Variants in NDFIP1 observed in about 807,000 individuals in gnomAD.
NDFIP1 encodes the protein Nedd4 family interacting protein 1.
A neutral mutation model predicts 28.8 loss-of-function variants in NDFIP1; 7 were observed. That is an observed-to-expected ratio of 0.24 (90% CI 0.14 to 0.46). The LOEUF is 0.46. Among genes scored for constraint, NDFIP1 ranks in the 20% least tolerant of loss-of-function variants. The pLI, the probability that NDFIP1 is intolerant of heterozygous loss-of-function variation, is 0.99. For missense variants in NDFIP1, 194 were observed against 269.1 expected (o/e 0.72, Z 1.95); for synonymous variants, 92 against 101.0 (o/e 0.91, Z 0.53).
At chr5:142,113,221 A>G (rs1757033787) in intron 1 of NDFIP1, among the ~76,000 whole-genome samples, 3 of 152,228 alleles carry the variant, frequency 2.0e-5, no homozygotes, top group Admixed American at 2.0e-4. Context: ...ATTATAGTGC[A>G]GATTTTGGAA....
chr5:142,139,769 T>C (rs1234608024), intron 5 of NDFIP1, among the ~76,000 whole-genome samples: 1 of 152,052 alleles, frequency 6.6e-6, no homozygotes, highest in Non-Finnish European at 1.5e-5. Flanking sequence ...AATGGTATCA[T>C]CTACTCAGGA....
intron 1 of NDFIP1, among the ~76,000 whole-genome samples, chr5:142,112,808 C>T (rs2126909103): frequency 6.7e-6 from 1 of 149,772 alleles, no homozygotes; most frequent in Non-Finnish European, 1.5e-5. Context: ...AGAGGCTAGG[C>T]TTATAGGTTC....
intron 7 of NDFIP1, among the ~76,000 whole-genome samples, chr5:142,145,801 C>A (rs558161837): frequency 6.6e-6 from 1 of 152,212 alleles, no homozygotes; most frequent in South Asian, 2.1e-4. Flanking sequence ...TTGATAGAGC[C>A]AGCGACATGT....
At position 142,152,652 on chromosome 5, in the gene NDFIP1, T is replaced by C. The variant is rs370224887; in HGVS notation, c.*924T>C. ...TGTACTACTTGCTTTTACAATGTGT[T>C]AGCAGAAACCAGTGGGTTATAATGT... On this transcript the variant is annotated 3_prime_UTR_variant, in exon 8 of 8. Coordinates refer to ENST00000253814, the MANE Select transcript of NDFIP1 (RefSeq NM_030571.4). The C allele has an allele frequency of 1.3e-5, 2 of 154,824 alleles. No homozygotes were observed. Among genetic ancestry groups the C allele is most frequent in the South Asian group, 2.0e-4 (1 of 4,932 alleles). The allele number at this position is 154,824 out of a possible 1,614,324, so 9.6% of individuals were successfully genotyped here. A position where few individuals can be genotyped will look rare whatever the true frequency, so the allele number is the denominator to read the frequency against.
intron 1 of NDFIP1, among the ~76,000 whole-genome samples, chr5:142,116,349 TCTTTCTCTC>T (rs780478249): frequency 0.28 from 33,478 of 118,230 alleles, 4,876 homozygotes; most frequent in African/African-American, 0.48. Flanking sequence ...CTTCCTTCCT[TCTTTCTCTC>T]TCTCTCTCTC....
intron 7 of NDFIP1, among the ~76,000 whole-genome samples, chr5:142,150,323 C>T (rs1345972018): frequency 6.6e-6 from 1 of 151,244 alleles, no homozygotes; most frequent in Non-Finnish European, 1.5e-5. Flanking sequence ...TTTAGAGTTC[C>T]TCATATTTTT....
chr5:142,114,233 T>C (rs1757042707), intron 1 of NDFIP1, among the ~76,000 whole-genome samples: 1 of 152,184 alleles, frequency 6.6e-6, no homozygotes, highest in Admixed American at 6.5e-5. Context: ...CTCTTTTTTG[T>C]TTTTGTTTTT....
chr5:142,117,613 T>C (rs1217630830), intron 1 of NDFIP1, among the ~76,000 whole-genome samples: 1 of 152,154 alleles, frequency 6.6e-6, no homozygotes, highest in Non-Finnish European at 1.5e-5. Flanking sequence ...AGTAATACAT[T>C]CTTCATGTGC....
chr5:142,143,817 A>C (rs887803958), intron 6 of NDFIP1: 10 of 152,152 alleles, frequency 6.6e-5, no homozygotes, highest in African/African-American at 2.4e-4. Flanking sequence ...CCTGAGCAAC[A>C]TAGCGAGACC....
At chr5:142,131,525 T>G (rs2126917612) in intron 1 of NDFIP1, among the ~76,000 whole-genome samples, 1 of 152,364 alleles carries the variant, frequency 6.6e-6, no homozygotes, top group Non-Finnish European at 1.5e-5. Flanking sequence ...TTAGTAGTCC[T>G]TTGTGTGATG....
chr5:142,121,347 A>G (rs1237759015), intron 1 of NDFIP1, among the ~76,000 whole-genome samples: 1 of 152,064 alleles, frequency 6.6e-6, no homozygotes, highest in African/African-American at 2.4e-5. Context: ...CTTTTCTGTT[A>G]TTTCTTTCTA....
intron 4 of NDFIP1, 64 bp from the exon 5 acceptor site, chr5:142,137,670 A>G: frequency 1.3e-6 from 2 of 1,587,372 alleles, no homozygotes; most frequent in Admixed American, 3.4e-5. Flanking sequence ...AGGCAGGTGT[A>G]AGGCACTCTT....
chr5:142,112,702 G>C (rs1431012569), intron 1 of NDFIP1, among the ~76,000 whole-genome samples: 1 of 148,348 alleles, frequency 6.7e-6, no homozygotes, highest in Non-Finnish European at 1.5e-5. Flanking sequence ...GCTGAGGCAG[G>C]AGAAACCCGG....
rs530687499 is a variant in NDFIP1 at position 142,118,939 on chromosome 5, C to T, written c.63+9902C>T. On this transcript the variant is annotated intron_variant, in intron 1 of 7. Coordinates refer to ENST00000253814, the MANE Select transcript of NDFIP1 (RefSeq NM_030571.4). ...TTTCCTGCACTATCCTAGAATCAGG[C>T]ATTTTTCCAAGGAGCCTAGGTTCCT... is the stretch of plus-strand genomic sequence containing the variant. Among the ~76,000 whole-genome samples the T allele has an allele frequency of 3.9e-5, 6 of 152,210 alleles. No homozygotes were observed. The South Asian group carries it at 1.0e-3, about 26-fold the overall frequency.
At chr5:142,139,857 A>G (rs1757310171) in intron 5 of NDFIP1, among the ~76,000 whole-genome samples, 1 of 152,180 alleles carries the variant, frequency 6.6e-6, no homozygotes, top group Non-Finnish European at 1.5e-5. Context: ...GTCTCTTAAA[A>G]TTAATAATAA....
chr5:142,109,202 C>T (rs1039070935), intron 1 of NDFIP1, among the ~76,000 whole-genome samples, 165 bp downstream of exon 1: 1 of 152,120 alleles, frequency 6.6e-6, no homozygotes, highest in Admixed American at 6.5e-5. Context: ...GGATTCGAGG[C>T]TGCCACGGGC....
chr5:142,146,214 TATTC>T (rs908213665), intron 7 of NDFIP1, among the ~76,000 whole-genome samples: 11 of 152,198 alleles, frequency 7.2e-5, no homozygotes, highest in Admixed American at 2.6e-4. Flanking sequence ...AAAAAACTAG[TATTC>T]ATTATTAAAA....
intron 7 of NDFIP1, among the ~76,000 whole-genome samples, chr5:142,149,919 C>T (rs889139659): frequency 1.3e-5 from 2 of 152,170 alleles, no homozygotes; most frequent in Admixed American, 6.5e-5. Flanking sequence ...TGGTGGCTCA[C>T]GCCTGTAATC....
chr5:142,141,866 C>T (rs72799929), intron 6 of NDFIP1, among the ~76,000 whole-genome samples: 41,779 of 152,134 alleles, frequency 0.27, 7,083 homozygotes, highest in Non-Finnish European at 0.37. Context: ...CATGGTGGCT[C>T]ACGCCTGTAA....
Sources: gnomAD v4.1 joint callset for allele counts (sites outside exome capture counted in the v4.1 genomes callset) on GRCh38, gnomAD v4.1.1 for gene constraint, MANE v1.5 for transcripts, NCBI Gene and HGNC (gene_info 2026-07-23, HGNC 2026-07-21) for gene names.